PREX1: variants seen among roughly 807,000 people sequenced by gnomAD.
The protein encoded by PREX1 is phosphatidylinositol 3,4,5-trisphosphate-dependent Rac exchanger 1 protein.
A neutral mutation model predicts 198.3 loss-of-function variants in PREX1; 41 were observed. That is an observed-to-expected ratio of 0.21 (90% CI 0.16 to 0.27). The LOEUF (loss-of-function observed/expected upper bound fraction) is 0.27. Among genes scored for constraint, PREX1 ranks in the 10% least tolerant of loss-of-function variants. The pLI is 1.00. For missense variants in PREX1, 1,620 were observed against 2,200.7 expected (o/e 0.74, Z 5.28); for synonymous variants, 843 against 887.2 (o/e 0.95, Z 0.89).
chr20:48,844,840 T>C, the PREX1 span, among the ~76,000 whole-genome samples: 1 of 152,202 alleles, frequency 6.6e-6, no homozygotes, highest in African/African-American at 2.4e-5. Flanking sequence ...AAAAGTCATC[T>C]TGATGGATAT....
chr20:48,700,895 G>A lies in PREX1; in HGVS notation c.784-9C>T, dbSNP rs371246264. The A allele has an allele frequency of 1.2e-4, 194 of 1,613,908 alleles. No individual in the cohort carries two copies. The highest frequency in any genetic ancestry group is 9.8e-5 in the Non-Finnish European group (116 of 1,179,962). On this transcript the variant is annotated splice_polypyrimidine_tract_variant and intron_variant, in intron 6 of 39. Transcript: ENST00000371941. The stretch of plus-strand genomic sequence containing the variant: ...TCTGTGAGGTTGGAACCCTGGAAGC[G>A]CAATGAGGACACAGTGAATGAGCCA...
At chr20:48,858,592 G>T in the PREX1 span, among the ~76,000 whole-genome samples, 3 of 152,236 alleles carry the variant, frequency 2.0e-5, no homozygotes, top group Non-Finnish European at 4.4e-5. Flanking sequence ...CTGTCCTGGG[G>T]TGTAGGCTCC....
rs1235527059 is a variant in PREX1 at position 48,657,105 on chromosome 20, G to A, written c.2058C>T (p.Ser686=). 1.9e-6 allele frequency: 3 copies of A among 1,611,244 alleles called. No individual in the cohort carries two copies. The highest frequency in any genetic ancestry group is 2.5e-6 in the Non-Finnish European group (3 of 1,178,770). ...VFLRPFSEVE[S]ILNQSFCSRR... ...GGGAGCAGAAGGACTGGTTGAGGATGGACTCCACCTCTGAAAACGGCCGCA... is the reference window on the plus strand; with the variant it reads ...GGGAGCAGAAGGACTGGTTGAGGATAGACTCCACCTCTGAAAACGGCCGCA... The change falls in exon 18 of 40, where the codon TCC becomes TCT. Residue 686 remains serine (S), a synonymous_variant. Coordinates refer to ENST00000371941, the MANE Select transcript of PREX1 (RefSeq NM_020820.4).
intron 1 of PREX1, among the ~76,000 whole-genome samples, chr20:48,756,927 G>T (rs1044838835): frequency 6.6e-6 from 1 of 152,228 alleles, no homozygotes; most frequent in African/African-American, 2.4e-5. Context: ...CGGCAGGCAA[G>T]AGAGCTTGTG....
At chr20:48,828,112 G>A (rs2090519745), upstream of PREX1, among the ~76,000 whole-genome samples, 2 of 149,150 alleles carry the variant, frequency 1.3e-5, no homozygotes, top group South Asian at 4.1e-4. Context: ...CCCGCGCCAG[G>A]GACCGTCTGC....
At chr20:48,723,079 T>C (rs752224196) in intron 5 of PREX1, among the ~76,000 whole-genome samples, 11 of 152,228 alleles carry the variant, frequency 7.2e-5, no homozygotes, top group Non-Finnish European at 1.2e-4. Context: ...GGAGTCGAGA[T>C]AGAATGTTCC....
intron 1 of PREX1, among the ~76,000 whole-genome samples, chr20:48,818,810 G>A (rs1313665574): frequency 6.6e-6 from 1 of 152,260 alleles, no homozygotes; most frequent in African/African-American, 2.4e-5. Flanking sequence ...TCAGGAAGCA[G>A]AGGTTCATCT....
chr20:48,672,696 T>C (rs1487655611), intron 14 of PREX1, among the ~76,000 whole-genome samples: 2 of 152,248 alleles, frequency 1.3e-5, no homozygotes, highest in East Asian at 3.8e-4. Flanking sequence ...GCTCCCCAGA[T>C]GTGGCCTGGG....
intron 1 of PREX1, among the ~76,000 whole-genome samples, chr20:48,809,193 G>A (rs892977724): frequency 1.3e-5 from 2 of 152,204 alleles, no homozygotes; most frequent in Non-Finnish European, 1.5e-5. Context: ...GGCCTCCCAA[G>A]GAGGCAGGAT....
At chr20:48,849,840 G>A in the PREX1 span, among the ~76,000 whole-genome samples, 1 of 152,150 alleles carries the variant, frequency 6.6e-6, no homozygotes, top group Non-Finnish European at 1.5e-5. Context: ...TGGTAAATAG[G>A]TAGAATCTTT....
Position 48,692,773 on chromosome 20 carries a change from T to C in PREX1, c.935A>G (p.Lys312Arg), listed in dbSNP as rs368421137. ...GATGGATTTGGTCCTCTTGGTGGAC[T>C]TCTTGCTCCCGGTGACCCTGATAGA... Reference protein sequence around the residue: ...KRKSRVTGSKKSTKRTKSING... With the variant: ...KRKSRVTGSKRSTKRTKSING... The change falls in exon 8 of 40, where the codon AAG becomes AGG. Residue 312 changes from lysine (K) to arginine (R), a missense_variant. Lys to Arg is a conservative substitution (Grantham distance 26, BLOSUM62 2). This residue lies in a region of PREX1 where 488 missense variants were observed against 802.5 expected (regional missense o/e 0.61). Transcript: ENST00000371941. The C allele has an allele frequency of 6.2e-7, 1 of 1,613,948 alleles. No individual in the cohort carries two copies. Among genetic ancestry groups the C allele is most frequent in the African/African-American group, 1.3e-5 (1 of 74,890 alleles).
In PREX1 at chr20:48,698,576, C is replaced by T. The variant is rs114853318; in HGVS notation, c.917+2177G>A. 8.5e-3 allele frequency among the ~76,000 whole-genome samples: 1,288 copies of T among 152,194 alleles called. 19 individuals carry two copies. Among genetic ancestry groups the T allele is most frequent in the African/African-American group, 0.029 (1,214 of 41,512 alleles). ...AGGGGACAGCAGGACGTGAGATAGA[C>T]AGACCTCAAGGAGTGGGCGAGAATG... is the stretch of plus-strand genomic sequence containing the variant. On this transcript the variant is annotated intron_variant, in intron 7 of 39. Transcript: ENST00000371941.
At chr20:48,705,275 C>A (rs947297875) in intron 6 of PREX1, among the ~76,000 whole-genome samples, 1 of 152,252 alleles carries the variant, frequency 6.6e-6, no homozygotes. Flanking sequence ...TTGTGCTCAG[C>A]AAAATGGATT....
chr20:48,712,519 C>G lies in PREX1; in HGVS notation c.622-4098G>C, dbSNP rs570938129. On this transcript the variant is annotated intron_variant, in intron 5 of 39. Coordinates refer to ENST00000371941, the MANE Select transcript of PREX1 (RefSeq NM_020820.4). ...CCTGGAAGTTGGAATCTCAGTGACCCTCCTCCAGTGGTTCCCTGTGGGGCT... is the reference window on the plus strand; with the variant it reads ...CCTGGAAGTTGGAATCTCAGTGACCGTCCTCCAGTGGTTCCCTGTGGGGCT... Among the ~76,000 whole-genome samples the G allele has an allele frequency of 3.3e-5, 5 of 152,340 alleles. 1 individual carries two copies. In the Middle Eastern group the frequency reaches 0.014, roughly 415 times the overall value.
chr20:48,756,828 G>A (rs1157395941), intron 1 of PREX1, among the ~76,000 whole-genome samples: 3 of 152,194 alleles, frequency 2.0e-5, no homozygotes, highest in African/African-American at 4.8e-5. Context: ...TTTATAAAGA[G>A]GTTTAATTGA....
chr20:48,751,440 C>T (rs1482305754), intron 1 of PREX1, among the ~76,000 whole-genome samples: 1 of 152,198 alleles, frequency 6.6e-6, no homozygotes, highest in Non-Finnish European at 1.5e-5. Context: ...CAATGGGAGG[C>T]TCGGGCCACC....
At chr20:48,697,432 G>A (rs1452985738) in intron 7 of PREX1, among the ~76,000 whole-genome samples, 2 of 150,830 alleles carry the variant, frequency 1.3e-5, no homozygotes, top group African/African-American at 4.9e-5. Flanking sequence ...CCAGGCTGGA[G>A]TGCAGCGGTG....
intron 1 of PREX1, among the ~76,000 whole-genome samples, chr20:48,825,458 TA>T (rs1477839603): frequency 1.4e-4 from 21 of 152,182 alleles, no homozygotes; most frequent in African/African-American, 4.8e-4. Flanking sequence ...TCAGCAAATG[TA>T]AAGTGTTAAG....
chr20:48,802,837 C>A (rs1024485714), intron 1 of PREX1, among the ~76,000 whole-genome samples: 1 of 152,226 alleles, frequency 6.6e-6, no homozygotes, highest in Non-Finnish European at 1.5e-5. Flanking sequence ...CCCTTTGCAA[C>A]AAGGGCTCTG....
Sources: allele counts gnomAD v4.1 joint callset (sites outside exome capture counted in the v4.1 genomes callset), GRCh38; gene constraint gnomAD v4.1.1; regional missense constraint gnomAD v4.1.1; transcripts MANE v1.5; gene names NCBI Gene and HGNC (gene_info 2026-07-23, HGNC 2026-07-21).